ANKAR: variants seen among roughly 807,000 people sequenced by gnomAD.
The protein encoded by ANKAR is ankyrin and armadillo repeat-containing protein.
Under a neutral mutation model 146.2 loss-of-function variants are expected in ANKAR, and 136 were observed. The ratio of observed to expected loss-of-function variants is 0.93; its 90% CI spans 0.81 to 1.07. ANKAR has a LOEUF of 1.07. Among genes scored for constraint, ANKAR ranks in the 50% least tolerant of loss-of-function variants. The pLI is 0.00. For synonymous variants in ANKAR, 500 were observed against 575.8 expected (o/e 0.87, Z 1.88); for missense variants, 1,567 against 1,679.9 (o/e 0.93, Z 1.18).
intron 8 of ANKAR, 102 bp downstream of exon 8, chr2:189,705,326 A>T: frequency 8.2e-7 from 1 of 1,213,406 alleles, no homozygotes; most frequent in Non-Finnish European, 1.2e-6. Flanking sequence ...TCTGCTTTTC[A>T]TGGCTTGCCA....
intron 12 of ANKAR, among the ~76,000 whole-genome samples, chr2:189,726,002 A>C (rs987333034): frequency 7.7e-4 from 118 of 152,348 alleles, no homozygotes; most frequent in African/African-American, 2.7e-3. Context: ...AAGGAAACAA[A>C]TAAATAGAGA....
downstream of ANKAR, chr2:189,761,570 C>T (rs768658265): frequency 1.6e-5 from 26 of 1,610,252 alleles, no homozygotes; most frequent in Non-Finnish European, 2.2e-5. Flanking sequence ...ATTAAAACTT[C>T]TTAAAAATTC....
intron 12 of ANKAR, among the ~76,000 whole-genome samples, chr2:189,724,915 G>A (rs1249463938): frequency 6.6e-6 from 1 of 151,954 alleles, no homozygotes. Context: ...TGTATAACTA[G>A]ATTTAAAAAG....
At chr2:189,728,189 A>G (rs2042066943) in intron 13 of ANKAR, 78 bp from the exon 14 acceptor site, 1 of 1,499,708 alleles carries the variant, frequency 6.7e-7, no homozygotes, top group Non-Finnish European at 8.9e-7. Flanking sequence ...CAATTCTAGA[A>G]TAAACATTTT....
chr2:189,714,519 A>G (rs866502307), intron 10 of ANKAR, among the ~76,000 whole-genome samples: 3 of 152,356 alleles, frequency 2.0e-5, no homozygotes, highest in Admixed American at 1.3e-4. Flanking sequence ...CTACTGGGTA[A>G]ATAACGAAAT....
downstream of ANKAR, chr2:189,750,513 C>T (rs945628694): frequency 1.2e-6 from 1 of 822,282 alleles, no homozygotes; most frequent in African/African-American, 1.7e-5. Flanking sequence ...ATTTGATACA[C>T]AAAACAATAA....
intron 10 of ANKAR, among the ~76,000 whole-genome samples, chr2:189,718,040 A>G (rs2040724601): frequency 6.6e-6 from 1 of 152,136 alleles, no homozygotes; most frequent in Non-Finnish European, 1.5e-5. Flanking sequence ...TACCTATGTA[A>G]CAAACCTGCA....
intron 16 of ANKAR, among the ~76,000 whole-genome samples, chr2:189,730,971 GGAATGTGT>G (rs564262519): frequency 1.7e-3 from 266 of 152,278 alleles, no homozygotes; most frequent in African/African-American, 6.0e-3. Context: ...GGCGATAGTG[GGAATGTGT>G]GACTTATATG....
downstream of ANKAR, chr2:189,761,669 G>T: frequency 4.7e-6 from 7 of 1,496,250 alleles, no homozygotes; most frequent in Non-Finnish European, 6.2e-6. Flanking sequence ...TCCTGAAAAA[G>T]AATTACAGAA....
At chr2:189,711,710 C>A (rs1323309758) in intron 10 of ANKAR, among the ~76,000 whole-genome samples, 1 of 152,174 alleles carries the variant, frequency 6.6e-6, no homozygotes, top group East Asian at 1.9e-4. Flanking sequence ...TCTGCATTTC[C>A]AACTGAGGTA....
intron 7 of ANKAR, among the ~76,000 whole-genome samples, chr2:189,697,206 C>T (rs1397721306): frequency 6.6e-6 from 1 of 150,400 alleles, no homozygotes; most frequent in Non-Finnish European, 1.5e-5. Flanking sequence ...GCCCGGGCAG[C>T]ATAACGAGAC....
At position 189,751,828 on chromosome 2, in the gene ANKAR, G is replaced by GTATT. The variant is rs1181719434; in HGVS notation, c.*584+7040_*584+7041insTATT. On this transcript the variant is annotated intron_variant and NMD_transcript_variant, in intron 18 of 18. Coordinates refer to the ANKAR transcript ENST00000441800. ...AAAATAATTGTCTTTTACTATTCCA[G>GTATT]AATTAAAACAGAATTTGATAGTAAT... is the stretch of plus-strand genomic sequence containing the variant. 1.2e-3 allele frequency among the ~76,000 whole-genome samples: 6 copies of GTATT among 5,074 alleles called. No individual in the cohort carries two copies. The East Asian group carries it at 0.11, about 94-fold the overall frequency. The allele number at this position is 5,074 out of a possible 152,430, so 3.3% of individuals were successfully genotyped here. A position where few individuals can be genotyped will look rare whatever the true frequency, so the allele number is the denominator to read the frequency against.
At position 189,754,180 on chromosome 2, in the gene ANKAR, C is replaced by T. The variant is rs757142204; in HGVS notation, c.*585-6918C>T. 8.7e-6 allele frequency: 14 copies of T among 1,613,524 alleles called. No homozygotes were observed. The East Asian group carries it at 1.1e-4, about 13-fold the overall frequency. On this transcript the variant is annotated intron_variant and NMD_transcript_variant, in intron 18 of 18. Coordinates refer to the ANKAR transcript ENST00000441800. ...TTTTTCATTATTATTTTATCAGTAA[C>T]GTGTTGAAGTCCAGTAAAAGAAAAA... is the stretch of plus-strand genomic sequence containing the variant.
intron 10 of ANKAR, among the ~76,000 whole-genome samples, chr2:189,714,961 AAAAAAAG>A (rs1454284549): frequency 7.6e-5 from 11 of 144,398 alleles, no homozygotes; most frequent in African/African-American, 1.5e-4. Flanking sequence ...AAAAAAAAAA[AAAAAAAG>A]AGAGAGAGAG....
At position 189,696,370 on chromosome 2, in the gene ANKAR, G is replaced by A; in HGVS notation, c.1708+1G>A. On this transcript the variant is annotated splice_donor_variant, in intron 7 of 22. Coordinates refer to ENST00000684021, the MANE Select transcript of ANKAR (RefSeq NM_001378068.1). LOFTEE classifies it high-confidence loss of function. ...AGGCGCTTTGTTACGTTCAGCCAAG[G>A]TACCATAAAGTTTTTTAACCTAAAA... 6.2e-7 allele frequency: 1 copy of A among 1,606,126 alleles called. No homozygotes were observed. The highest frequency in any genetic ancestry group is 8.5e-7 in the Non-Finnish European group (1 of 1,177,376).
chr2:189,680,744 G>A (rs1388162084), intron 2 of ANKAR, among the ~76,000 whole-genome samples: 1 of 151,972 alleles, frequency 6.6e-6, no homozygotes, highest in Non-Finnish European at 1.5e-5. Flanking sequence ...ATAGTTTTGC[G>A]GGTTCCTTTT....
chr2:189,738,354 A>G (rs1381819840), intron 18 of ANKAR, among the ~76,000 whole-genome samples: 1 of 152,128 alleles, frequency 6.6e-6, no homozygotes, highest in Admixed American at 6.6e-5. Context: ...AGGAAGAATA[A>G]TAGTACCCCC....
chr2:189,682,362 T>C (rs144393975), intron 2 of ANKAR, among the ~76,000 whole-genome samples: 96 of 152,230 alleles, frequency 6.3e-4, no homozygotes, highest in Non-Finnish European at 1.1e-3. Context: ...TTTTTCTCTC[T>C]CCACTGCACA....
Position 189,741,377 on chromosome 2 carries a change from G to C in ANKAR, c.3736G>C (p.Gly1246Arg). The C allele has an allele frequency of 5.0e-6, 8 of 1,608,966 alleles. No individual in the cohort carries two copies. Among genetic ancestry groups the C allele is most frequent in the Non-Finnish European group, 6.8e-6 (8 of 1,177,482 alleles). The change falls in exon 20 of 23, where the codon GGT becomes CGT. Residue 1246 changes from glycine (G) to arginine (R), a missense_variant. Coordinates refer to ENST00000684021, the MANE Select transcript of ANKAR (RefSeq NM_001378068.1). ...LIASLAHSRA[G>R]IPEAFTTLGT... Reference sequence around the variant, plus strand: ...AGCAAGCCTGGCTCATTCTAGAGCTGGTATCCCAGAAGCATTTACCACATT... The same window carrying C: ...AGCAAGCCTGGCTCATTCTAGAGCTCGTATCCCAGAAGCATTTACCACATT...
Sources: allele counts gnomAD v4.1 joint callset (sites outside exome capture counted in the v4.1 genomes callset), GRCh38; gene constraint gnomAD v4.1.1; transcripts MANE v1.5; gene names NCBI Gene and HGNC (gene_info 2026-07-23, HGNC 2026-07-21).